DHX8: variants seen among roughly 807,000 people sequenced by gnomAD.
The protein encoded by DHX8 is DEAH-box helicase 8.
In DHX8, 67 loss-of-function variants were observed where a neutral mutation model predicts 140.7. The observed-to-expected ratio is 0.48, with a 90% CI of 0.39 to 0.58. The LOEUF (loss-of-function observed/expected upper bound fraction) is 0.58, where lower values mean the gene tolerates loss of function less well. DHX8 is among the 20% of genes least tolerant of loss of function. The probability of loss-of-function intolerance (pLI) is 0.00; values close to 1 mark genes in which losing one functional copy is unlikely to be tolerated. For missense variants in DHX8, 887 were observed against 1,550.7 expected, an observed-to-expected ratio of 0.57 and a Z score of 7.19; for synonymous variants, 533 against 553.2, an observed-to-expected ratio of 0.96 and a Z score of 0.51.
downstream of DHX8, among the ~76,000 whole-genome samples, chr17:43,531,003 G>T (rs1970902317): frequency 6.6e-6 from 1 of 152,148 alleles, no homozygotes; most frequent in South Asian, 2.1e-4. Flanking sequence ...ATCCCCTCCG[G>T]TCTACAGCCT....
intron 4 of DHX8, 76 bp downstream of exon 4, chr17:43,491,326 A>G (rs182560747): frequency 1.1e-5 from 9 of 818,716 alleles, no homozygotes; most frequent in African/African-American, 1.8e-5. Context: ...TAGTAATTTT[A>G]TTAATTTTAA....
At chr17:43,502,315 G>C (rs1023634780) in intron 11 of DHX8, among the ~76,000 whole-genome samples, 1 of 152,224 alleles carries the variant, frequency 6.6e-6, no homozygotes, top group Non-Finnish European at 1.5e-5. Context: ...CACTTTGGGA[G>C]GCCGAGGCAG....
chr17:43,541,574 A>G (rs1055106244), intron 3 of DHX8, among the ~76,000 whole-genome samples: 2 of 152,150 alleles, frequency 1.3e-5, no homozygotes, highest in African/African-American at 4.8e-5. Flanking sequence ...GGGTCTCCCA[A>G]GCTGGATTCT....
intron 12 of DHX8, among the ~76,000 whole-genome samples, 189 bp from the exon 13 acceptor site, chr17:43,506,814 A>T (rs1428401720): frequency 6.6e-6 from 1 of 152,154 alleles, no homozygotes; most frequent in Non-Finnish European, 1.5e-5. Flanking sequence ...TTTTTTATGT[A>T]TCTTTTAAAT....
At chr17:43,529,403 G>T, downstream of DHX8, 1 of 1,465,586 alleles carries the variant, frequency 6.8e-7, no homozygotes, top group Non-Finnish European at 9.3e-7. Flanking sequence ...GTTAGGTAAA[G>T]CAAGAATCAT....
At chr17:43,541,540 G>C (rs927281875) in intron 3 of DHX8, among the ~76,000 whole-genome samples, 1 of 151,916 alleles carries the variant, frequency 6.6e-6, no homozygotes, top group Non-Finnish European at 1.5e-5. Flanking sequence ...AGGGGGGTTA[G>C]TAAAAAAAGA....
At chr17:43,528,597 C>A (rs1328229823), downstream of DHX8, 4 of 1,614,148 alleles carry the variant, frequency 2.5e-6, no homozygotes, top group Middle Eastern at 1.6e-4. Flanking sequence ...GGCTCTCATC[C>A]AAGTGGGACA....
At chr17:43,494,211 G>A (rs552830400) in intron 8 of DHX8, among the ~76,000 whole-genome samples, 10 of 152,226 alleles carry the variant, frequency 6.6e-5, no homozygotes, top group African/African-American at 2.4e-4. Context: ...TCACTATCGT[G>A]ACAACAGCGT....
At chr17:43,520,528 T>C (rs1018869713) in intron 19 of DHX8, among the ~76,000 whole-genome samples, 1 of 152,258 alleles carries the variant, frequency 6.6e-6, no homozygotes, top group East Asian at 1.9e-4. Context: ...AAAATTCTCA[T>C]CTACCCCAAC....
intron 17 of DHX8, among the ~76,000 whole-genome samples, chr17:43,516,556 C>T (rs1970123287): frequency 1.3e-5 from 2 of 152,178 alleles, no homozygotes; most frequent in African/African-American, 4.8e-5. Context: ...CTCAGGTGAT[C>T]GTCCCATCTG....
In DHX8 at chr17:43,525,648, TTTG is replaced by T; in HGVS notation, c.*1804_*1806del. On this transcript the variant is annotated 3_prime_UTR_variant, in exon 23 of 23. Transcript: ENST00000262415. The stretch of plus-strand genomic sequence containing the variant: ...TCCCCAATCTCGTTTTGTTTTTGTT[TTTG>T]TTAAGACAGGATCTTGCCATCTTGC... The T allele has an allele frequency of 4.1e-6, 4 of 985,460 alleles. No homozygotes were observed. The highest frequency in any genetic ancestry group is 4.8e-6 in the Non-Finnish European group (4 of 829,972). 61.0% of individuals were successfully genotyped at this position (985,460 alleles called of 1,614,324 possible).
downstream of DHX8, chr17:43,526,523 T>C: frequency 6.5e-7 from 1 of 1,535,712 alleles, no homozygotes; most frequent in Non-Finnish European, 8.7e-7. Flanking sequence ...CTGTGGTTGC[T>C]GTAGCTGTCT....
Position 43,511,456 on chromosome 17 carries a change from A to ATTTTTTTTTTTTTTTTTTTTTT in DHX8, c.2503-1887_2503-1886insTTTTTTTTTTTTTTTTTTTTTT, listed in dbSNP as rs71160045. On this transcript the variant is annotated intron_variant, in intron 16 of 22. Coordinates refer to ENST00000262415, the MANE Select transcript of DHX8 (RefSeq NM_004941.3). ...AGTGGCTTATGCCTGTGATCCCAGC[A>ATTTTTTTTTTTTTTTTTTTTTT]TTTTTTTTTTTTTTTTTTTGAGACA... 1.7e-3 allele frequency among the ~76,000 whole-genome samples: 95 copies of ATTTTTTTTTTTTTTTTTTTTTT among 56,790 alleles called. 36 individuals carry two copies. Among genetic ancestry groups the ATTTTTTTTTTTTTTTTTTTTTT allele is most frequent in the African/African-American group, 2.7e-3 (35 of 12,942 alleles). The allele number at this position is 56,790 out of a possible 152,430, so 37.3% of individuals were successfully genotyped here. A position where few individuals can be genotyped will look rare whatever the true frequency, so the allele number is the denominator to read the frequency against.
At chr17:43,493,986 C>A in intron 8 of DHX8, 100 bp downstream of exon 8, 1 of 1,220,750 alleles carries the variant, frequency 8.2e-7, no homozygotes, top group Non-Finnish European at 1.2e-6. Context: ...AACTTTTGGC[C>A]ACTGTATTAG....
downstream of DHX8, chr17:43,528,465 TTA>T: frequency 8.1e-7 from 1 of 1,229,102 alleles, no homozygotes. Flanking sequence ...CCAGATTCAT[TTA>T]TATGTACACA....
chr17:43,492,086 C>T, intron 4 of DHX8, 97 bp from the exon 5 acceptor site: 1 of 814,406 alleles, frequency 1.2e-6, no homozygotes, highest in East Asian at 2.5e-5. Context: ...CTTCTATTTC[C>T]CTCACATAGT....
downstream of DHX8, chr17:43,528,865 T>G: frequency 1.3e-6 from 1 of 776,790 alleles, no homozygotes; most frequent in Non-Finnish European, 2.1e-6. Context: ...GGCATTTCTC[T>G]CCCATGCTGG....
chr17:43,514,536 A>G (rs1333451109), intron 17 of DHX8, among the ~76,000 whole-genome samples: 1 of 152,084 alleles, frequency 6.6e-6, no homozygotes, highest in Admixed American at 6.6e-5. Flanking sequence ...TTATGGAATA[A>G]TTTCCTGCCT....
At chr17:43,499,751 C>A (rs895235661) in intron 10 of DHX8, among the ~76,000 whole-genome samples, 1 of 152,178 alleles carries the variant, frequency 6.6e-6, no homozygotes, top group Non-Finnish European at 1.5e-5. Context: ...TCAAACTAAA[C>A]ATCCAGTTCC....
Sources: gnomAD v4.1 joint callset for allele counts (sites outside exome capture counted in the v4.1 genomes callset) on GRCh38, gnomAD v4.1.1 for gene constraint, MANE v1.5 for transcripts, NCBI Gene and HGNC (gene_info 2026-07-23, HGNC 2026-07-21) for gene names.